The following CDHR1 variants were observed in gnomAD, a reference collection of about 807,000 sequenced individuals.
CDHR1 encodes cadherin related family member 1, also known as cadherin-related family member 1.
In CDHR1, 61 loss-of-function variants were observed where a neutral mutation model predicts 72.1. The observed-to-expected ratio is 0.85, with a 90% CI of 0.69 to 1.05. The LOEUF is 1.05. Among genes scored for constraint, CDHR1 ranks in the 50% least tolerant of loss-of-function variants. The pLI is 0.00. For synonymous variants in CDHR1, 470 were observed against 448.1 expected, an observed-to-expected ratio of 1.05 and a Z score of -0.62; for missense variants, 1,186 against 1,115.7, an observed-to-expected ratio of 1.06 and a Z score of -0.90.
Position 84,194,597 on chromosome 10 carries a change from G to A in CDHR1, c.-164G>A. The stretch of plus-strand genomic sequence containing the variant: ...ATCCGAGCCGTGTCATCCTCTTAGC[G>A]CCCTCACGCCACCCGCCGCTCCCGC... On this transcript the variant is annotated 5_prime_UTR_variant, in exon 1 of 17. Transcript: ENST00000623527. 1 of 499,282 alleles carries A rather than the reference G, an allele frequency of 2.0e-6. No individual in the cohort carries two copies. The highest frequency in any genetic ancestry group is 3.4e-6 in the Non-Finnish European group (1 of 293,796). 30.9% of individuals were successfully genotyped at this position (499,282 alleles called of 1,614,324 possible).
rs547899827 is a variant in CDHR1 at position 84,206,176 on chromosome 10, C to G, written c.963+249C>G. ...GCAGGTGCATGCTGCCAGAGGCGGG[C>G]ATTGGGTGGGTGGGGGTGGAGTGAA... On this transcript the variant is annotated intron_variant, in intron 10 of 16. Coordinates refer to ENST00000623527, the MANE Select transcript of CDHR1 (RefSeq NM_033100.4). Among the ~76,000 whole-genome samples the G allele has an allele frequency of 6.1e-5, 9 of 147,686 alleles. No individual in the cohort carries two copies. The East Asian group carries it at 1.9e-3, about 31-fold the overall frequency.
Position 84,208,714 on chromosome 10 carries a change from C to T in CDHR1, c.1168-15C>T, listed in dbSNP as rs759312652. The T allele has an allele frequency of 1.7e-5, 27 of 1,612,844 alleles. No individual in the cohort carries two copies. In the African/African-American group the frequency reaches 2.7e-4, roughly 16 times the overall value. On this transcript the variant is annotated splice_polypyrimidine_tract_variant and intron_variant, in intron 11 of 16. Coordinates refer to ENST00000623527, the MANE Select transcript of CDHR1 (RefSeq NM_033100.4). The stretch of plus-strand genomic sequence containing the variant: ...ATCATTCATCTTCCTTGTTTCCACT[C>T]TCCAAATTCTCTAGGGAGCCAATGC...
intron 10 of CDHR1, 62 bp downstream of exon 10, chr10:84,205,989 A>G: frequency 7.8e-7 from 1 of 1,287,788 alleles, no homozygotes; most frequent in Non-Finnish European, 1.1e-6. Flanking sequence ...TATAAAGGTG[A>G]AGACACCCAG....
chr10:84,208,074 C>A, intron 10 of CDHR1, 100 bp from the exon 11 acceptor site: 2 of 1,099,616 alleles, frequency 1.8e-6, no homozygotes, highest in South Asian at 1.3e-5. Context: ...CCAGGACACA[C>A]TCAAACGGAG....
chr10:84,212,274 CA>C lies in CDHR1; in HGVS notation c.1650del (p.Glu551ArgfsTer9). ...GCCAGGTACAACTTCTATGTGAAGGCAGAGGACATGGAAGGCAAGTACAGCG... is the reference window on the plus strand; with the variant it reads ...GCCAGGTACAACTTCTATGTGAAGGCGAGGACATGGAAGGCAAGTACAGCG... ...ATARYNFYVK[A>X]EDMEGKYSVA... On this transcript the variant is annotated frameshift_variant, in exon 15 of 17. Transcript: ENST00000623527. LOFTEE classifies it high-confidence loss of function. The C allele has an allele frequency of 6.2e-7, 1 of 1,614,230 alleles. No individual in the cohort carries two copies. Among genetic ancestry groups the C allele is most frequent in the Non-Finnish European group, 8.5e-7 (1 of 1,180,040 alleles).
rs1841998265 is a variant in CDHR1, at chr10:84,194,832, C to A, written c.55+17C>A. On this transcript the variant is annotated intron_variant, in intron 1 of 16. Transcript: ENST00000623527. ...TCTGCTTGGGTGAGTGGCCGCTGGG[C>A]CGCGCTGGCCGCGTGGATGGCGAGG... 7.2e-6 allele frequency: 11 copies of A among 1,532,728 alleles called. No homozygotes were observed. The highest frequency in any genetic ancestry group is 8.7e-6 in the Non-Finnish European group (10 of 1,145,504). 94.9% of individuals were successfully genotyped at this position (1,532,728 alleles called of 1,614,324 possible).
At chr10:84,198,837 A>G (rs1842072257) in intron 4 of CDHR1, among the ~76,000 whole-genome samples, 195 bp from the exon 5 acceptor site, 3 of 152,170 alleles carry the variant, frequency 2.0e-5, no homozygotes, top group South Asian at 2.1e-4. Context: ...TGCCTCCAGG[A>G]TGAAACACAG....
At chr10:84,211,602 A>G in intron 13 of CDHR1, 46 bp from the exon 14 acceptor site, 5 of 1,538,970 alleles carry the variant, frequency 3.2e-6, no homozygotes, top group Non-Finnish European at 4.5e-6. Flanking sequence ...CTGCCAACAT[A>G]CCCTGACAAA....
chr10:84,215,457 G>A lies in CDHR1; in HGVS notation c.*836G>A. 2 of 985,054 alleles carry A rather than the reference G, an allele frequency of 2.0e-6. No individual in the cohort carries two copies. Among genetic ancestry groups the A allele is most frequent in the Non-Finnish European group, 2.4e-6 (2 of 829,602 alleles). The allele number at this position is 985,054 out of a possible 1,614,324, so 61.0% of individuals were successfully genotyped here. A position where few individuals can be genotyped will look rare whatever the true frequency, so the allele number is the denominator to read the frequency against. On this transcript the variant is annotated 3_prime_UTR_variant, in exon 17 of 17. Coordinates refer to ENST00000623527, the MANE Select transcript of CDHR1 (RefSeq NM_033100.4). ...CAGCCATCCTTGAAGAGACAATTCA[G>A]GGCAGTTGATGAATATCAGGGCTGA...
At position 84,218,137 on chromosome 10, in the gene CDHR1, G is replaced by A. The variant is rs1259423930; in HGVS notation, c.*3516G>A. The A allele has an allele frequency of 4.1e-6, 4 of 985,378 alleles. No individual in the cohort carries two copies. In the African/African-American group the frequency reaches 7.0e-5, roughly 17 times the overall value. The allele number at this position is 985,378 out of a possible 1,614,324, so 61.0% of individuals were successfully genotyped here. A position where few individuals can be genotyped will look rare whatever the true frequency, so the allele number is the denominator to read the frequency against. ...GGCCTTGGCCACCAAGGGATGGAGA[G>A]GGAGAATGGAGAAGATGCCACATGA... On this transcript the variant is annotated 3_prime_UTR_variant, in exon 17 of 17. Coordinates refer to ENST00000623527, the MANE Select transcript of CDHR1 (RefSeq NM_033100.4).
rs1842346211 is a variant in CDHR1 at position 84,212,256 on chromosome 10, A to G, written c.1631A>G (p.Tyr544Cys). 6.2e-7 allele frequency: 1 copy of G among 1,614,242 alleles called. No individual in the cohort carries two copies. The highest frequency in any genetic ancestry group is 1.1e-5 in the South Asian group (1 of 91,082). ...CTGGACGCTGAGGCCACTGCCAGGTACAACTTCTATGTGAAGGCAGAGGAC... is the reference window on the plus strand; with the variant it reads ...CTGGACGCTGAGGCCACTGCCAGGTGCAACTTCTATGTGAAGGCAGAGGAC... The part of the protein sequence containing the change: ...ASLDAEATAR[Y>C]NFYVKAEDME... Residue 544 changes from tyrosine (Y) to cysteine (C), a missense_variant, in exon 15 of 17, where the codon TAC becomes TGC. Physicochemically the swap from Tyr to Cys is radical, Grantham distance 194. Coordinates refer to ENST00000623527, the MANE Select transcript of CDHR1 (RefSeq NM_033100.4).
At chr10:84,207,939 T>C (rs1842256607) in intron 10 of CDHR1, among the ~76,000 whole-genome samples, 1 of 152,214 alleles carries the variant, frequency 6.6e-6, no homozygotes, top group African/African-American at 2.4e-5. Flanking sequence ...TGTAGCTTCC[T>C]GCTTCATCAA....
Position 84,203,071 on chromosome 10 carries a change from CT to C in CDHR1, c.732del (p.Val245SerfsTer22). On this transcript the variant is annotated frameshift_variant, in exon 8 of 17. Transcript: ENST00000623527. LOFTEE classifies it high-confidence loss of function. ...GTGGAGGATGTTCAGGACATGGCCCCTGTCTTCGTGGGCACACCCTACTATG... is the reference window on the plus strand; with the variant it reads ...GTGGAGGATGTTCAGGACATGGCCCCGTCTTCGTGGGCACACCCTACTATG... ...VNVEDVQDMA[P>X]VFVGTPYYGY... 6.2e-7 allele frequency: 1 copy of C among 1,614,244 alleles called. No homozygotes were observed. The highest frequency in any genetic ancestry group is 1.1e-5 in the South Asian group (1 of 91,088).
intron 5 of CDHR1, among the ~76,000 whole-genome samples, chr10:84,200,157 C>T (rs994111357): frequency 1.5e-5 from 2 of 135,574 alleles, no homozygotes; most frequent in African/African-American, 3.0e-5. Flanking sequence ...ATAACAAGGG[C>T]GAAGCTCCAT....
chr10:84,194,799 G>A lies in CDHR1; in HGVS notation c.39G>A (p.Leu13=), dbSNP rs1171623310. Residue 13 remains leucine (L), a synonymous_variant, in exon 1 of 17, where the codon CTG becomes CTA. Transcript: ENST00000623527. ...GGTGGGCCGCCCTGGCCCTGGGGCT[G>A]CTGCGCCTCTGCTTGGGTGAGTGGC... ...RCRWAALALG[L]LRLCLAQANF... 5 of 1,532,390 alleles carry A rather than the reference G, an allele frequency of 3.3e-6. No individual in the cohort carries two copies. Among genetic ancestry groups the A allele is most frequent in the East Asian group, 2.5e-5 (1 of 40,814 alleles). 94.9% of individuals were successfully genotyped at this position (1,532,390 alleles called of 1,614,324 possible).
chr10:84,214,654 C>T lies in CDHR1; in HGVS notation c.*33C>T. On this transcript the variant is annotated 3_prime_UTR_variant, in exon 17 of 17. Transcript: ENST00000623527. ...CCTATGACCCCCCATCTTTCCTCCG[C>T]CCCTGACCCCCACCACCCTGCTGCT... The T allele has an allele frequency of 6.3e-7, 1 of 1,599,062 alleles. No homozygotes were observed. Among genetic ancestry groups the T allele is most frequent in the Non-Finnish European group, 8.5e-7 (1 of 1,179,544 alleles).
chr10:84,201,533 T>G (rs74145718), intron 6 of CDHR1, among the ~76,000 whole-genome samples: 2 of 152,168 alleles, frequency 1.3e-5, no homozygotes, highest in Non-Finnish European at 2.9e-5. Context: ...AGCCCAAAGC[T>G]GAGCCCAAGA....
chr10:84,214,172 A>T lies in CDHR1; in HGVS notation c.2131A>T (p.Thr711Ser). The part of the protein sequence containing the change: ...AVGVLAGTMA[T>S]VVAITVLIST... Reference sequence around the variant, plus strand: ...GGGTGTGCTGGCCGGCACCATGGCCACCGTCGTGGCCATCACTGTCCTCAT... The same window carrying T: ...GGGTGTGCTGGCCGGCACCATGGCCTCCGTCGTGGCCATCACTGTCCTCAT... Residue 711 changes from threonine to serine, a missense_variant, in exon 17 of 17, where the codon ACC becomes TCC. Coordinates refer to ENST00000623527, the MANE Select transcript of CDHR1 (RefSeq NM_033100.4). 6.2e-7 allele frequency: 1 copy of T among 1,613,468 alleles called. No individual in the cohort carries two copies.
intron 8 of CDHR1, among the ~76,000 whole-genome samples, chr10:84,204,161 T>C (rs529657789): frequency 1.3e-5 from 2 of 152,072 alleles, no homozygotes; most frequent in African/African-American, 2.4e-5. Flanking sequence ...TGGGGTGGGA[T>C]GAAAGCAAAA....
Sources: gnomAD v4.1 joint callset for allele counts (sites outside exome capture counted in the v4.1 genomes callset) on GRCh38, gnomAD v4.1.1 for gene constraint, MANE v1.5 for transcripts, NCBI Gene and HGNC (gene_info 2026-07-23, HGNC 2026-07-21) for gene names.